Variants in KIAA1549L observed in about 807,000 individuals in gnomAD.
KIAA1549L encodes UPF0606 protein KIAA1549L.
A neutral mutation model predicts 160.7 loss-of-function variants in KIAA1549L; 88 were observed. That is an observed-to-expected ratio of 0.55 (90% CI 0.46 to 0.65). The LOEUF is 0.65. Among genes scored for constraint, KIAA1549L ranks in the 30% least tolerant of loss-of-function variants. KIAA1549L has a pLI of 0.00. For synonymous variants in KIAA1549L, 950 were observed against 976.7 expected, an observed-to-expected ratio of 0.97 and a Z score of 0.51; for missense variants, 2,258 against 2,437.5, an observed-to-expected ratio of 0.93 and a Z score of 1.55.
At position 33,574,788 on chromosome 11, in the gene KIAA1549L, G is replaced by C; in HGVS notation, c.4317G>C (p.Gly1439=). 6.2e-7 allele frequency: 1 copy of C among 1,614,004 alleles called. No homozygotes were observed. Among genetic ancestry groups the C allele is most frequent in the South Asian group, 1.1e-5 (1 of 91,086 alleles). ...YTLYNGKPLL[G]TAAAKILSTI... is the part of the protein sequence containing the mutation. ...TGTACAACGGGAAGCCTTTGTTGGG[G>C]ACCGCAGCTGCCAAGATCCTGAGCA... is the stretch of plus-strand genomic sequence containing the variant. Residue 1439 remains glycine (G), a synonymous_variant, in exon 10 of 21, where the codon GGG becomes GGC. Transcript: ENST00000658780.
chr11:33,463,223 C>T (rs540952640), intron 1 of KIAA1549L, among the ~76,000 whole-genome samples: 102 of 152,246 alleles, frequency 6.7e-4, no homozygotes, highest in African/African-American at 2.3e-3. Context: ...ACCATATACA[C>T]GTCACTTAGC....
rs189626241 is a variant in KIAA1549L, at chr11:33,597,587, C to T, written c.4752-1233C>T. The stretch of plus-strand genomic sequence containing the variant: ...TAGATACCTGCCTCCCGCTTGTCTC[C>T]CACAGTGGGGAGGCAGTCAGTCTTT... On this transcript the variant is annotated intron_variant, in intron 12 of 20. Coordinates refer to ENST00000658780, the MANE Select transcript of KIAA1549L (RefSeq NM_012194.3). Among the ~76,000 whole-genome samples the T allele has an allele frequency of 4.7e-3, 715 of 152,306 alleles. 3 individuals are homozygous for T. Among genetic ancestry groups the T allele is most frequent in the Non-Finnish European group, 7.4e-3 (501 of 68,030 alleles).
At chr11:33,604,660 A>G (rs950143115) in intron 13 of KIAA1549L, among the ~76,000 whole-genome samples, 2 of 152,222 alleles carry the variant, frequency 1.3e-5, no homozygotes, top group African/African-American at 4.8e-5. Context: ...AGCAACTTGG[A>G]TGGAGCTAGA....
chr11:33,652,059 G>A (rs1851912377), intron 17 of KIAA1549L, among the ~76,000 whole-genome samples: 2 of 150,766 alleles, frequency 1.3e-5, no homozygotes, highest in Admixed American at 1.3e-4. Context: ...CTTCAGTCCT[G>A]AGTCTTTTAT....
At chr11:33,655,203 T>C (rs1218560418) in intron 17 of KIAA1549L, among the ~76,000 whole-genome samples, 1 of 152,218 alleles carries the variant, frequency 6.6e-6, no homozygotes, top group African/African-American at 2.4e-5. Context: ...ACTTTTCTGG[T>C]GACAGTTCTA....
intron 1 of KIAA1549L, among the ~76,000 whole-genome samples, chr11:33,437,382 C>G (rs1339291243): frequency 6.6e-6 from 1 of 152,152 alleles, no homozygotes; most frequent in Non-Finnish European, 1.5e-5. Context: ...AGTGTTTATT[C>G]AAGCAGCCTA....
chr11:33,571,163 C>G (rs764617672), intron 9 of KIAA1549L, among the ~76,000 whole-genome samples: 1 of 152,122 alleles, frequency 6.6e-6, no homozygotes, highest in Non-Finnish European at 1.5e-5. Context: ...CACACTTGTA[C>G]TCCCAGCTAC....
intron 1 of KIAA1549L, among the ~76,000 whole-genome samples, chr11:33,411,703 G>T (rs1323217262): frequency 1.3e-5 from 2 of 152,200 alleles, no homozygotes; most frequent in African/African-American, 2.4e-5. Flanking sequence ...TTGAAAGAGG[G>T]TTAGCTCTCC....
At chr11:33,451,479 T>G (rs749289329) in intron 1 of KIAA1549L, among the ~76,000 whole-genome samples, 4 of 152,248 alleles carry the variant, frequency 2.6e-5, no homozygotes, top group Non-Finnish European at 5.9e-5. Context: ...CTCTAACATA[T>G]GGGCATTTCT....
intron 16 of KIAA1549L, among the ~76,000 whole-genome samples, chr11:33,629,370 T>C (rs1851210829): frequency 6.6e-6 from 1 of 152,220 alleles, no homozygotes; most frequent in South Asian, 2.1e-4. Context: ...CTGGATAATA[T>C]CCTGCAGAGT....
At chr11:33,487,469 A>G (rs1852556882) in intron 1 of KIAA1549L, among the ~76,000 whole-genome samples, 1 of 138,814 alleles carries the variant, frequency 7.2e-6, no homozygotes, top group South Asian at 2.2e-4. Flanking sequence ...GACGGTCTTG[A>G]ATGTTTGTTG....
At chr11:33,487,248 A>G (rs1468068388) in intron 1 of KIAA1549L, among the ~76,000 whole-genome samples, 1 of 152,116 alleles carries the variant, frequency 6.6e-6, no homozygotes, top group Non-Finnish European at 1.5e-5. Context: ...GCTGTAGATC[A>G]TCTGCAAGAC....
chr11:33,485,046 G>A (rs1323344398), intron 1 of KIAA1549L, among the ~76,000 whole-genome samples: 3 of 152,148 alleles, frequency 2.0e-5, no homozygotes, highest in Admixed American at 6.5e-5. Context: ...ACACTGGCCA[G>A]GGGTAGACAT....
At chr11:33,425,149 CAAG>C (rs905975347) in intron 1 of KIAA1549L, among the ~76,000 whole-genome samples, 11 of 152,188 alleles carry the variant, frequency 7.2e-5, no homozygotes, top group African/African-American at 1.9e-4. Flanking sequence ...AATTCCATCT[CAAG>C]GAGCTTTTCA....
chr11:33,558,839 C>CT (rs567011766), intron 6 of KIAA1549L, among the ~76,000 whole-genome samples: 2,193 of 140,532 alleles, frequency 0.016, 45 homozygotes, highest in African/African-American at 0.042. Flanking sequence ...TTTTTCTTTT[C>CT]TTTTTTTTTT....
chr11:33,394,848 A>G (rs1590216596), intron 1 of KIAA1549L, among the ~76,000 whole-genome samples: 2 of 152,206 alleles, frequency 1.3e-5, no homozygotes, highest in African/African-American at 4.8e-5. Context: ...TGTGGCTCCC[A>G]AGGCTGCCCT....
intron 11 of KIAA1549L, among the ~76,000 whole-genome samples, chr11:33,587,202 G>A (rs970277737): frequency 2.0e-5 from 3 of 152,192 alleles, no homozygotes; most frequent in African/African-American, 4.8e-5. Context: ...TTCTTAAAAG[G>A]TCTTGGCAGT....
intron 1 of KIAA1549L, among the ~76,000 whole-genome samples, chr11:33,425,323 A>G (rs1851094378): frequency 6.6e-6 from 1 of 152,188 alleles, no homozygotes. Context: ...TGGTTGACTC[A>G]TTCTCTGCTG....
In KIAA1549L at chr11:33,390,446, A is replaced by C. The variant is rs566079391; in HGVS notation, c.238+13557A>C. On this transcript the variant is annotated intron_variant, in intron 1 of 20. Transcript: ENST00000658780. ...TTTCACTTGCTGTGGTGCTCACTGCAGCCAGAGTGGGCAAGCCTCTTTAGT... is the reference window on the plus strand; with the variant it reads ...TTTCACTTGCTGTGGTGCTCACTGCCGCCAGAGTGGGCAAGCCTCTTTAGT... Among the ~76,000 whole-genome samples, 5 of 152,318 alleles carry C rather than the reference A, an allele frequency of 3.3e-5. 1 individual carries two copies. Among genetic ancestry groups the C allele is most frequent in the African/African-American group, 1.2e-4 (5 of 41,576 alleles).
Sources: allele counts gnomAD v4.1 joint callset (sites outside exome capture counted in the v4.1 genomes callset), GRCh38; gene constraint gnomAD v4.1.1; transcripts MANE v1.5; gene names NCBI Gene and HGNC (gene_info 2026-07-23, HGNC 2026-07-21).